C5orf34: variants seen among roughly 807,000 people sequenced by gnomAD.
C5orf34 encodes chromosome 5 open reading frame 34.
Under a neutral mutation model 78.4 loss-of-function variants are expected in C5orf34, and 73 were observed. The ratio of observed to expected loss-of-function variants is 0.93; its 90% CI spans 0.77 to 1.13. C5orf34 has a LOEUF of 1.13. Ranked by LOEUF, C5orf34 falls within the 50% of genes most tolerant of loss-of-function variation. C5orf34 has a pLI of 0.00. For synonymous variants in C5orf34, 251 were observed against 246.6 expected (o/e 1.02, Z -0.17); for missense variants, 730 against 732.7 (o/e 1.00, Z 0.04).
intron 5 of C5orf34, 35 bp from the exon 6 acceptor site, chr5:43,502,530 C>A: frequency 7.4e-7 from 1 of 1,344,880 alleles, no homozygotes; most frequent in Admixed American, 2.2e-5. Flanking sequence ...AAATTTTTTT[C>A]CACTTGAGAT....
intron 6 of C5orf34, among the ~76,000 whole-genome samples, chr5:43,499,665 A>T (rs992994148): frequency 6.6e-6 from 1 of 152,130 alleles, no homozygotes; most frequent in Non-Finnish European, 1.5e-5. Flanking sequence ...AGAAAGTACT[A>T]TATAGGTATG....
At chr5:43,488,334 C>G (rs76881288) in intron 11 of C5orf34, 2,339 of 181,950 alleles carry the variant, frequency 0.013, 49 homozygotes, top group African/African-American at 0.045. Flanking sequence ...AAGAACTGCT[C>G]TCTCCTTCCT....
chr5:43,510,217 A>G (rs1746163619), intron 1 of C5orf34, among the ~76,000 whole-genome samples: 1 of 152,236 alleles, frequency 6.6e-6, no homozygotes, highest in African/African-American at 2.4e-5. Flanking sequence ...AGGACCCTGA[A>G]GAAGAAATCC....
At chr5:43,495,664 G>A in intron 6 of C5orf34, 1 of 1,580,660 alleles carries the variant, frequency 6.3e-7, no homozygotes, top group Non-Finnish European at 8.7e-7. Flanking sequence ...TCTCCACTCG[G>A]CCAACAGGAA....
chr5:43,495,474 T>G, intron 6 of C5orf34: 1 of 1,608,702 alleles, frequency 6.2e-7, no homozygotes, highest in Non-Finnish European at 8.5e-7. Context: ...TCATTTTTGC[T>G]GTCACCAGCA....
chr5:43,494,033 AAAC>A (rs1745396640), intron 7 of C5orf34, among the ~76,000 whole-genome samples: 1 of 152,208 alleles, frequency 6.6e-6, no homozygotes, highest in Admixed American at 6.5e-5. Context: ...TTATAAAAAG[AAAC>A]AACAGTCCAC....
chr5:43,495,644 A>G (rs1362742914), intron 6 of C5orf34: 2 of 1,593,166 alleles, frequency 1.3e-6, no homozygotes, highest in Non-Finnish European at 1.7e-6. Flanking sequence ...ACCAGGTTTG[A>G]GAACACCAGT....
At chr5:43,503,812 C>T (rs77510433) in intron 4 of C5orf34, 52 bp from the exon 5 acceptor site, 37,524 of 1,191,710 alleles carry the variant, frequency 0.031, 1,067 homozygotes, top group African/African-American at 0.13. Flanking sequence ...ATATAATTGT[C>T]TTTAGAAGTC....
At chr5:43,490,843 TAAAGTG>T in intron 10 of C5orf34, 114 bp from the exon 11 acceptor site, 2 of 585,244 alleles carry the variant, frequency 3.4e-6, no homozygotes, top group Non-Finnish European at 5.7e-6. Flanking sequence ...GAAAAAATGT[TAAAGTG>T]AAGCATTTAC....
At chr5:43,494,921 C>T (rs1379996484) in intron 6 of C5orf34, among the ~76,000 whole-genome samples, 2 of 152,186 alleles carry the variant, frequency 1.3e-5, no homozygotes, top group Non-Finnish European at 2.9e-5. Flanking sequence ...GTCCACAAAA[C>T]ATTCTCCTTT....
intron 1 of C5orf34, chr5:43,511,066 T>C (rs1746223504): frequency 5.9e-6 from 1 of 169,116 alleles, no homozygotes; most frequent in Non-Finnish European, 1.2e-5. Context: ...CCGTCTGGGA[T>C]GTGAGGAGCG....
chr5:43,487,843 T>C, intron 12 of C5orf34, 66 bp downstream of exon 12: 3 of 1,209,322 alleles, frequency 2.5e-6, no homozygotes, highest in Non-Finnish European at 3.6e-6. Flanking sequence ...AGTACTGAAG[T>C]CATGAATTAA....
chr5:43,505,927 C>T lies in C5orf34; in HGVS notation c.753G>A (p.Trp251Ter), dbSNP rs2112319901. 1 of 1,614,116 alleles carries T rather than the reference C, an allele frequency of 6.2e-7. No homozygotes were observed. Among genetic ancestry groups the T allele is most frequent in the East Asian group, 2.2e-5 (1 of 44,880 alleles). ...GAAGTGCTAAAGACAAAGGATATTT[C>T]CATTCCTCTGGACAGGCAGCCACAG... is the stretch of plus-strand genomic sequence containing the variant. ...CWSVAACPEEWKYPLSLALHF... is the reference protein window; with the variant it reads ...CWSVAACPEE Residue 251 changes from tryptophan (W) to a stop codon, truncating the protein, a stop_gained, in exon 4 of 13, where the codon TGG (tryptophan) becomes TGA (stop). Transcript: ENST00000306862. LOFTEE classifies it high-confidence loss of function.
At chr5:43,499,193 T>C (rs936117096) in intron 6 of C5orf34, among the ~76,000 whole-genome samples, 2 of 152,206 alleles carry the variant, frequency 1.3e-5, no homozygotes, top group African/African-American at 2.4e-5. Flanking sequence ...TGTGAGGAGA[T>C]GACATTTAGA....
chr5:43,500,363 A>T (rs1276867896), intron 6 of C5orf34, among the ~76,000 whole-genome samples: 3 of 152,066 alleles, frequency 2.0e-5, no homozygotes, highest in Non-Finnish European at 4.4e-5. Context: ...GCTTTTGCTT[A>T]TCTTTTTAAC....
intron 4 of C5orf34, chr5:43,505,446 T>G (rs1348172928): frequency 3.5e-6 from 1 of 286,788 alleles, no homozygotes; most frequent in South Asian, 1.3e-4. Flanking sequence ...TCTTTTTAGG[T>G]ACAGTGACCT....
At chr5:43,509,091 C>A in intron 2 of C5orf34, 54 bp downstream of exon 2, 2 of 1,438,822 alleles carry the variant, frequency 1.4e-6, no homozygotes, top group Non-Finnish European at 1.9e-6. Context: ...GGTGACAGAG[C>A]AAGAACCTGT....
chr5:43,496,702 G>A (rs1374961731), intron 6 of C5orf34, among the ~76,000 whole-genome samples: 1 of 149,216 alleles, frequency 6.7e-6, no homozygotes, highest in Non-Finnish European at 1.5e-5. Flanking sequence ...TCCCACCTCA[G>A]CCTCCCAAGT....
intron 6 of C5orf34, chr5:43,495,424 A>G: frequency 6.2e-7 from 1 of 1,611,584 alleles, no homozygotes; most frequent in East Asian, 2.2e-5. Context: ...GGTTCAGGAT[A>G]ATTACCTGAG....
Sources: allele counts gnomAD v4.1 joint callset (sites outside exome capture counted in the v4.1 genomes callset), GRCh38; gene constraint gnomAD v4.1.1; transcripts MANE v1.5; gene names NCBI Gene and HGNC (gene_info 2026-07-23, HGNC 2026-07-21).